Variants in RCBTB1 observed in about 807,000 individuals in gnomAD.
RCBTB1 encodes RCC1 and BTB domain-containing protein 1.
A neutral mutation model predicts 62.4 loss-of-function variants in RCBTB1; 46 were observed. That is an observed-to-expected ratio of 0.74 (90% CI 0.58 to 0.94). The LOEUF (loss-of-function observed/expected upper bound fraction) is 0.94. Among genes scored for constraint, RCBTB1 ranks in the 40% least tolerant of loss-of-function variants. RCBTB1 has a pLI of 0.00. For synonymous variants in RCBTB1, 222 were observed against 245.8 expected, an observed-to-expected ratio of 0.90 and a Z score of 0.91; for missense variants, 565 against 654.9, an observed-to-expected ratio of 0.86 and a Z score of 1.50.
intron 4 of RCBTB1, among the ~76,000 whole-genome samples, chr13:49,563,459 T>G (rs1962633955): frequency 6.7e-6 from 1 of 150,302 alleles, no homozygotes; most frequent in Non-Finnish European, 1.5e-5. Context: ...GGTCGGGAGT[T>G]CAAGATCAGC....
chr13:49,549,758 A>G, intron 8 of RCBTB1, 110 bp from the exon 9 acceptor site: 2 of 1,461,630 alleles, frequency 1.4e-6, no homozygotes, highest in African/African-American at 1.4e-5. Context: ...AAAACAGTCC[A>G]AGTTCCAGGG....
In RCBTB1 at chr13:49,541,789, T is replaced by C; in HGVS notation, c.1211A>G (p.Asn404Ser). ...TTCTATCACTTCCTTCATGTCTTCA[T>C]TCCAATACGACTGGAACATGGATCG... ...HFRSMFQSYW[N>S]EDMKEVIEID... The change falls in exon 11 of 13, where the codon AAT (asparagine) becomes AGT (serine). Residue 404 changes from asparagine to serine, a missense_variant. Transcript: ENST00000378302. 1.2e-6 allele frequency: 2 copies of C among 1,614,044 alleles called. No individual in the cohort carries two copies. The highest frequency in any genetic ancestry group is 1.3e-5 in the African/African-American group (1 of 75,034).
chr13:49,545,971 C>A (rs2139152989), intron 9 of RCBTB1: 1 of 432,416 alleles, frequency 2.3e-6, no homozygotes, highest in South Asian at 9.6e-5. Flanking sequence ...ACTGACAGCC[C>A]TCCCTCCACC....
intron 11 of RCBTB1, among the ~76,000 whole-genome samples, 184 bp from the exon 12 acceptor site, chr13:49,541,190 T>C (rs1297068410): frequency 6.6e-6 from 1 of 152,176 alleles, no homozygotes; most frequent in East Asian, 1.9e-4. Flanking sequence ...ACCTCTCCTA[T>C]ATTTACTTTA....
In RCBTB1 at chr13:49,546,313, TG is replaced by T. The variant is rs1461877803; in HGVS notation, c.1046-1451del. 3.0e-6 allele frequency: 3 copies of T among 984,256 alleles called. No homozygotes were observed. The African/African-American group carries it at 5.3e-5, about 17-fold the overall frequency. The allele number at this position is 984,256 out of a possible 1,614,324, so 61.0% of individuals were successfully genotyped here. On this transcript the variant is annotated intron_variant, in intron 9 of 12. Coordinates refer to ENST00000378302, the MANE Select transcript of RCBTB1 (RefSeq NM_018191.4). ...TGTGACTTTCCGTCTAACACTCAGA[TG>T]AGATCACAAAGTGAGAGGGAAAAAA...
chr13:49,546,151 A>T (rs1960768855), intron 9 of RCBTB1: 1 of 985,280 alleles, frequency 1.0e-6, no homozygotes, highest in African/African-American at 1.7e-5. Flanking sequence ...ATCCAAAAAA[A>T]AACCCACTTC....
intron 5 of RCBTB1, among the ~76,000 whole-genome samples, 190 bp from the exon 6 acceptor site, chr13:49,555,863 G>A (rs1271778837): frequency 6.6e-6 from 1 of 152,146 alleles, no homozygotes; most frequent in Non-Finnish European, 1.5e-5. Flanking sequence ...CCTAGAGTAG[G>A]TAGTACCCAC....
At chr13:49,559,463 T>C (rs531731889) in intron 5 of RCBTB1, among the ~76,000 whole-genome samples, 23 of 152,174 alleles carry the variant, frequency 1.5e-4, no homozygotes, top group East Asian at 3.9e-4. Flanking sequence ...GAGACCATCC[T>C]GGCTAACACG....
At chr13:49,569,374 G>A (rs550814042) in intron 2 of RCBTB1, among the ~76,000 whole-genome samples, 1 of 151,964 alleles carries the variant, frequency 6.6e-6, no homozygotes, top group East Asian at 1.9e-4. Context: ...AGCAGTTTGA[G>A]ACCAGCCTGG....
intron 9 of RCBTB1, among the ~76,000 whole-genome samples, chr13:49,549,235 A>G (rs1236496529): frequency 6.6e-6 from 1 of 151,808 alleles, no homozygotes; most frequent in Admixed American, 6.6e-5. Flanking sequence ...CGAATTTGAT[A>G]TCAATTGAAA....
intron 5 of RCBTB1, among the ~76,000 whole-genome samples, 162 bp from the exon 6 acceptor site, chr13:49,555,835 G>A (rs1961814028): frequency 6.6e-6 from 1 of 152,148 alleles, no homozygotes; most frequent in African/African-American, 2.4e-5. Context: ...AACCTGCCTA[G>A]TAATCCTGCA....
intron 2 of RCBTB1, among the ~76,000 whole-genome samples, chr13:49,579,265 T>C (rs887354820): frequency 2.0e-5 from 3 of 152,200 alleles, no homozygotes; most frequent in African/African-American, 7.2e-5. Context: ...ACTAATATGT[T>C]ATTGCCCCAG....
At chr13:49,571,449 C>T (rs1489596490) in intron 2 of RCBTB1, among the ~76,000 whole-genome samples, 1 of 152,218 alleles carries the variant, frequency 6.6e-6, no homozygotes, top group Non-Finnish European at 1.5e-5. Flanking sequence ...TATTCCTGCA[C>T]TTTTGCATCA....
At chr13:49,561,096 C>T (rs56319255) in intron 4 of RCBTB1, among the ~76,000 whole-genome samples, 26,434 of 152,148 alleles carry the variant, frequency 0.17, 3,186 homozygotes, top group African/African-American at 0.33. Flanking sequence ...CTTTCCACAG[C>T]ACCCCCGAGT....
intron 1 of RCBTB1, among the ~76,000 whole-genome samples, chr13:49,585,174 A>T (rs1048812424): frequency 2.0e-5 from 3 of 152,150 alleles, no homozygotes; most frequent in African/African-American, 7.2e-5. Context: ...AAAGAGAGGG[A>T]GGCAGGGAAA....
At chr13:49,578,264 T>C (rs1194016296) in intron 2 of RCBTB1, among the ~76,000 whole-genome samples, 1 of 152,210 alleles carries the variant, frequency 6.6e-6, no homozygotes, top group East Asian at 1.9e-4. Context: ...ATGTAAATGC[T>C]TGGTAAATAG....
At chr13:49,562,251 G>A (rs1448153944) in intron 4 of RCBTB1, among the ~76,000 whole-genome samples, 1 of 152,126 alleles carries the variant, frequency 6.6e-6, no homozygotes, top group African/African-American at 2.4e-5. Flanking sequence ...CAATGGGAAT[G>A]TTAAAAATTT....
chr13:49,585,241 G>A (rs571688483), intron 1 of RCBTB1, among the ~76,000 whole-genome samples: 1 of 152,304 alleles, frequency 6.6e-6, no homozygotes, highest in East Asian at 1.9e-4. Flanking sequence ...CACATTAGCT[G>A]AGGTGCTGGC....
intron 8 of RCBTB1, among the ~76,000 whole-genome samples, chr13:49,550,819 GC>G (rs1961262911): frequency 6.6e-6 from 1 of 152,110 alleles, no homozygotes; most frequent in African/African-American, 2.4e-5. Flanking sequence ...TTTTGCATAG[GC>G]CAGGCACGGT....
Sources: allele counts gnomAD v4.1 joint callset (sites outside exome capture counted in the v4.1 genomes callset), GRCh38; gene constraint gnomAD v4.1.1; transcripts MANE v1.5; gene names NCBI Gene and HGNC (gene_info 2026-07-23, HGNC 2026-07-21).